The following PCDH9 variants were observed in gnomAD, a reference collection of about 807,000 sequenced individuals.
PCDH9 encodes protocadherin-9.
A neutral mutation model predicts 70.6 loss-of-function variants in PCDH9; 24 were observed. The observed-to-expected ratio is 0.34, with a 90% CI of 0.25 to 0.48. The LOEUF is 0.48. Among genes scored for constraint, PCDH9 ranks in the 20% least tolerant of loss-of-function variants. The pLI is 0.99. For synonymous variants in PCDH9, 562 were observed against 558.5 expected, an observed-to-expected ratio of 1.01 and a Z score of -0.09; for missense variants, 1,281 against 1,503.6, an observed-to-expected ratio of 0.85 and a Z score of 2.45.
rs574813583 is a variant in PCDH9, at chr13:66,550,492, T to TA, written c.3340+80717dup. On this transcript the variant is annotated intron_variant, in intron 4 of 4. Coordinates refer to ENST00000377865, the MANE Select transcript of PCDH9 (RefSeq NM_203487.3). The stretch of plus-strand genomic sequence containing the variant: ...CTGCTTTGGGAGGCTAAATGAATTG[T>TA]AAACACTTTGCATGGGATGTGTTTG... Among the ~76,000 whole-genome samples, 422 of 152,272 alleles carry TA rather than the reference T, an allele frequency of 2.8e-3. 1 individual carries two copies. The highest frequency in any genetic ancestry group is 4.7e-3 in the Non-Finnish European group (318 of 68,024).
At chr13:67,169,986 T>A (rs1371511564) in intron 2 of PCDH9, among the ~76,000 whole-genome samples, 2 of 152,184 alleles carry the variant, frequency 1.3e-5, no homozygotes, top group African/African-American at 2.4e-5. Context: ...GAGCATCCGA[T>A]TATAATCCTG....
intron 3 of PCDH9, among the ~76,000 whole-genome samples, chr13:66,867,131 G>T (rs888652190): frequency 6.6e-6 from 1 of 151,048 alleles, no homozygotes; most frequent in African/African-American, 2.4e-5. Context: ...AAAACTAAAA[G>T]ATAAATGATC....
chr13:66,619,168 G>T (rs1407318839), intron 4 of PCDH9, among the ~76,000 whole-genome samples: 1 of 151,962 alleles, frequency 6.6e-6, no homozygotes, highest in Non-Finnish European at 1.5e-5. Context: ...TTATCCTGTG[G>T]TACCCCCTTT....
At chr13:67,061,121 T>C (rs979836235) in intron 2 of PCDH9, among the ~76,000 whole-genome samples, 2 of 152,082 alleles carry the variant, frequency 1.3e-5, no homozygotes, top group Non-Finnish European at 2.9e-5. Context: ...ATGTGTTGTT[T>C]AGCAGCAGTA....
At chr13:66,497,452 A>G (rs1959134378) in intron 4 of PCDH9, among the ~76,000 whole-genome samples, 1 of 152,176 alleles carries the variant, frequency 6.6e-6, no homozygotes, top group African/African-American at 2.4e-5. Flanking sequence ...AATCCTACTT[A>G]TGTAGTTGGA....
intron 2 of PCDH9, among the ~76,000 whole-genome samples, chr13:67,025,659 A>G (rs1020550319): frequency 2.0e-5 from 3 of 152,080 alleles, no homozygotes; most frequent in African/African-American, 4.8e-5. Context: ...AATTACTGGG[A>G]GGAAGAGGAG....
chr13:66,596,234 C>T (rs2077101093), intron 4 of PCDH9, among the ~76,000 whole-genome samples: 1 of 151,454 alleles, frequency 6.6e-6, no homozygotes, highest in African/African-American at 2.4e-5. Context: ...CTGTTTTGTC[C>T]AGACAGAGAA....
chr13:66,339,632 T>G (rs1248570035), intron 4 of PCDH9, among the ~76,000 whole-genome samples: 1 of 152,190 alleles, frequency 6.6e-6, no homozygotes. Context: ...TATGTTTTTT[T>G]GCAATGTGTA....
At chr13:66,411,225 G>A (rs207473943) in intron 4 of PCDH9, among the ~76,000 whole-genome samples, 2 of 152,190 alleles carry the variant, frequency 1.3e-5, no homozygotes, top group East Asian at 1.9e-4. Context: ...ACTTCTTTAC[G>A]CAGTGGCTTA....
intron 2 of PCDH9, among the ~76,000 whole-genome samples, chr13:67,003,673 T>C (rs1365902346): frequency 6.6e-6 from 1 of 152,104 alleles, no homozygotes. Flanking sequence ...AAGCAGGAAT[T>C]TTATTACTTT....
intron 4 of PCDH9, among the ~76,000 whole-genome samples, chr13:66,481,112 C>T (rs1958826998): frequency 6.6e-6 from 1 of 151,886 alleles, no homozygotes; most frequent in Non-Finnish European, 1.5e-5. Context: ...AATGAGAACA[C>T]ATGGACACAA....
chr13:66,397,426 G>A (rs867185373), intron 4 of PCDH9, among the ~76,000 whole-genome samples: 4 of 148,396 alleles, frequency 2.7e-5, no homozygotes, highest in Middle Eastern at 3.5e-3. Flanking sequence ...CGATATATAT[G>A]TGTGTGTATA....
Position 67,227,340 on chromosome 13 carries a change from G to A in PCDH9, c.1101C>T (p.Ile367=). 6.2e-7 allele frequency: 1 copy of A among 1,613,886 alleles called. No homozygotes were observed. Among genetic ancestry groups the A allele is most frequent in the South Asian group, 1.1e-5 (1 of 91,056 alleles). Residue 367 remains isoleucine, a synonymous_variant, in exon 2 of 5, where the codon ATC becomes ATT. Transcript: ENST00000377865. The surrounding 1 kb of genome is among the most constrained non-coding windows in gnomAD (Gnocchi z 4.6). ...NIDLRYIISP[I]NGTVYLSEKD... ...TCTCAGATAAATACACGGTGCCATTGATGGGACTTATAATGTACCTGAGGT... is the reference window on the plus strand; with the variant it reads ...TCTCAGATAAATACACGGTGCCATTAATGGGACTTATAATGTACCTGAGGT...
chr13:66,720,076 A>C (rs1051119035), intron 3 of PCDH9, among the ~76,000 whole-genome samples: 2 of 152,184 alleles, frequency 1.3e-5, no homozygotes, highest in Non-Finnish European at 2.9e-5. Flanking sequence ...CTAAAGCATG[A>C]CTGGGAAGAA....
At chr13:66,413,740 T>A (rs1957414070) in intron 4 of PCDH9, among the ~76,000 whole-genome samples, 1 of 151,784 alleles carries the variant, frequency 6.6e-6, no homozygotes, top group South Asian at 2.1e-4. Flanking sequence ...ACCCTCAAAC[T>A]TTTTACTATT....
At chr13:66,551,254 G>A (rs968224718) in intron 4 of PCDH9, among the ~76,000 whole-genome samples, 2 of 152,112 alleles carry the variant, frequency 1.3e-5, no homozygotes, top group East Asian at 1.9e-4. Context: ...CTCCACCAAA[G>A]GGAAGCTAGA....
chr13:67,019,188 C>CTTTTTTTTTTTTTT (rs60154161), intron 2 of PCDH9, among the ~76,000 whole-genome samples: 1 of 102,728 alleles, frequency 9.7e-6, no homozygotes, highest in Non-Finnish European at 1.8e-5. Flanking sequence ...GGCAGTTGCT[C>CTTTTTTTTTTTTTT]TTTTTTTTTT....
intron 4 of PCDH9, among the ~76,000 whole-genome samples, chr13:66,448,653 G>T (rs1958145335): frequency 6.6e-6 from 1 of 152,098 alleles, no homozygotes; most frequent in African/African-American, 2.4e-5. Context: ...TTAATTGTGG[G>T]CTAACAAAGG....
chr13:66,435,918 T>G (rs181055849), intron 4 of PCDH9, among the ~76,000 whole-genome samples: 1 of 152,140 alleles, frequency 6.6e-6, no homozygotes. Flanking sequence ...CTTGAGACTC[T>G]GGATATCAGT....
Sources: gnomAD v4.1 joint callset for allele counts (sites outside exome capture counted in the v4.1 genomes callset) on GRCh38, gnomAD v4.1.1 for gene constraint, Gnocchi (gnomAD v3.1) non-coding constraint, MANE v1.5 for transcripts, NCBI Gene and HGNC (gene_info 2026-07-23, HGNC 2026-07-21) for gene names.